P2RY12: variants seen among roughly 807,000 people sequenced by gnomAD.
The protein encoded by P2RY12 is P2Y purinoceptor 12.
P2RY12 carries 3 observed loss-of-function variants against 4.5 expected under a neutral mutation model. That is an observed-to-expected ratio of 0.67 (90% CI 0.31 to 1.74). The LOEUF (loss-of-function observed/expected upper bound fraction) is 1.74, where lower values mean the gene tolerates loss of function less well. Ranked by LOEUF, P2RY12 falls within the 40% of genes most tolerant of loss-of-function variation. P2RY12 has a pLI of 0.09. For missense variants in P2RY12, 356 were observed against 407.8 expected, an observed-to-expected ratio of 0.87 and a Z score of 1.09; for synonymous variants, 148 against 154.1, an observed-to-expected ratio of 0.96 and a Z score of 0.29.
chr3:151,368,593 TTA>T (rs1755586978), intron 1 of P2RY12, among the ~76,000 whole-genome samples: 1 of 50,018 alleles, frequency 2.0e-5, no homozygotes, highest in Non-Finnish European at 3.7e-5. Flanking sequence ...GTGATTTATT[TTA>T]TTTTATTTTA....
chr3:151,365,935 C>G lies in P2RY12; in HGVS notation c.-180+18757G>C. ...AGAATGGCTGGGGGTTCTGAAGGCT[C>G]TTTGTTGTTCTTCAAATCACGTGTG... On this transcript the variant is annotated intron_variant, in intron 1 of 2. Transcript: ENST00000302632. The G allele has an allele frequency of 6.2e-7, 1 of 1,613,362 alleles. No individual in the cohort carries two copies. The highest frequency in any genetic ancestry group is 8.5e-7 in the Non-Finnish European group (1 of 1,179,512).
intron 1 of P2RY12, among the ~76,000 whole-genome samples, chr3:151,353,752 T>G (rs1753539266): frequency 1.3e-5 from 2 of 152,356 alleles, no homozygotes; most frequent in African/African-American, 4.8e-5. Flanking sequence ...TAGAGAAATC[T>G]GTAAAGTAAC....
In P2RY12 at chr3:151,338,103, CAAAT is replaced by C. The variant is rs748448173; in HGVS notation, c.739_742del (p.Ile247ValfsTer14). On this transcript the variant is annotated frameshift_variant, in exon 3 of 3. Transcript: ENST00000302632. LOFTEE classifies it high-confidence loss of function. ...TCGGGCAAAATGGAAAGGAACAAAA[CAAAT>C]AAAGAATACAGCAATGATAATGAAA... 1.1e-5 allele frequency: 17 copies of C among 1,613,872 alleles called. No homozygotes were observed. The highest frequency in any genetic ancestry group is 1.3e-5 in the African/African-American group (1 of 74,906).
In P2RY12 at chr3:151,337,046, C is replaced by G. The variant is rs1751094781; in HGVS notation, c.*771G>C. The G allele has an allele frequency of 6.6e-6, 1 of 151,988 alleles. No individual in the cohort carries two copies. The highest frequency in any genetic ancestry group is 1.5e-5 in the Non-Finnish European group (1 of 68,006). The allele number at this position is 151,988 out of a possible 1,614,324, so 9.4% of individuals were successfully genotyped here. A position where few individuals can be genotyped will look rare whatever the true frequency, so the allele number is the denominator to read the frequency against. Reference sequence around the variant, plus strand: ...GAAGCTAATTAATAAAGGTAAGTGTCAATGATGGTATTATTGAAGTTGTAA... The same window carrying G: ...GAAGCTAATTAATAAAGGTAAGTGTGAATGATGGTATTATTGAAGTTGTAA... On this transcript the variant is annotated 3_prime_UTR_variant, in exon 3 of 3. Transcript: ENST00000302632.
At chr3:151,338,901 A>ATTGCT (rs2149937690) in intron 2 of P2RY12, 42 bp from the exon 3 acceptor site, 1 of 1,561,310 alleles carries the variant, frequency 6.4e-7, no homozygotes, top group Admixed American at 1.7e-5. Flanking sequence ...AGCCTAAGGT[A>ATTGCT]GTTATTATTG....
Position 151,356,917 on chromosome 3 carries a change from AG to A in P2RY12, c.-179-16158del, listed in dbSNP as rs1753999023. Among the ~76,000 whole-genome samples the A allele has an allele frequency of 5.9e-5, 9 of 152,200 alleles. No homozygotes were observed. In the South Asian group the frequency reaches 1.9e-3, roughly 32 times the overall value. ...AACTTTCATTTTATTAAAAAGACAA[AG>A]GGGAGAAAAGTGAGGGGTGGGGTTT... On this transcript the variant is annotated intron_variant, in intron 1 of 2. Coordinates refer to ENST00000302632, the MANE Select transcript of P2RY12 (RefSeq NM_022788.5).
rs202099742 is a variant in P2RY12, at chr3:151,338,074, G to T, written c.772C>A (p.Pro258Thr). 2.2e-5 allele frequency: 36 copies of T among 1,613,860 alleles called. No individual in the cohort carries two copies. Among genetic ancestry groups the T allele is most frequent in the Non-Finnish European group, 3.0e-5 (35 of 1,179,912 alleles). Residue 258 changes from proline to threonine, a missense_variant, in exon 3 of 3, where the codon CCT (proline) becomes ACT (threonine). Physicochemically the swap from Pro to Thr is conservative, Grantham distance 38 (BLOSUM62 -1). Coordinates refer to ENST00000302632, the MANE Select transcript of P2RY12 (RefSeq NM_022788.5). The stretch of plus-strand genomic sequence containing the variant: ...TCCCGGGTTTGGCTCAGGGTGTAAG[G>T]AATTCGGGCAAAATGGAAAGGAACA... Reference protein sequence around the residue: ...CFVPFHFARIPYTLSQTRDVF... With the variant: ...CFVPFHFARITYTLSQTRDVF...
chr3:151,364,604 C>CT (rs1001447522), intron 1 of P2RY12, among the ~76,000 whole-genome samples: 7 of 152,044 alleles, frequency 4.6e-5, no homozygotes, highest in African/African-American at 1.7e-4. Flanking sequence ...GTAATTGAAT[C>CT]TTTTTTTATT....
intron 2 of P2RY12, among the ~76,000 whole-genome samples, chr3:151,340,366 A>G (rs996990776): frequency 6.6e-6 from 1 of 152,156 alleles, no homozygotes; most frequent in African/African-American, 2.4e-5. Flanking sequence ...AAGACCATTT[A>G]TATTTTATTT....
chr3:151,369,278 G>A (rs980854163), intron 1 of P2RY12, among the ~76,000 whole-genome samples: 1 of 152,124 alleles, frequency 6.6e-6, no homozygotes, highest in South Asian at 2.1e-4. Context: ...GAGGAATACT[G>A]GCCATGTTTC....
chr3:151,383,648 A>G lies in P2RY12; in HGVS notation c.-180+1044T>C, dbSNP rs192098678. On this transcript the variant is annotated intron_variant, in intron 1 of 2. Coordinates refer to ENST00000302632, the MANE Select transcript of P2RY12 (RefSeq NM_022788.5). ...AACATGTAGGTAAAAGAGAAAAGAT[A>G]AGGTAATCTATAAACTAGAGCATCC... 5.7e-5 allele frequency: 34 copies of G among 598,132 alleles called. No homozygotes were observed. The Admixed American group carries it at 6.2e-4, about 11-fold the overall frequency. The allele number at this position is 598,132 out of a possible 1,614,324, so 37.1% of individuals were successfully genotyped here. A position where few individuals can be genotyped will look rare whatever the true frequency, so the allele number is the denominator to read the frequency against.
intron 1 of P2RY12, chr3:151,376,146 C>T (rs758289199): frequency 1.9e-6 from 3 of 1,609,932 alleles, no homozygotes; most frequent in Non-Finnish European, 2.5e-6. Context: ...TATCTGTTAT[C>T]CTCATGGCAT....
At chr3:151,372,876 A>T (rs544205200) in intron 1 of P2RY12, 1 of 736,764 alleles carries the variant, frequency 1.4e-6, no homozygotes, top group African/African-American at 1.8e-5. Flanking sequence ...TTTCTTGCTC[A>T]CTTTATTTCG....
intron 1 of P2RY12, among the ~76,000 whole-genome samples, chr3:151,347,769 A>G (rs1752708882): frequency 1.3e-5 from 2 of 152,306 alleles, no homozygotes; most frequent in African/African-American, 4.8e-5. Flanking sequence ...AGCATTTTAC[A>G]CGCTTTATCC....
In P2RY12 at chr3:151,373,650, A is replaced by G. The variant is rs1037138041; in HGVS notation, c.-180+11042T>C. 2.6e-5 allele frequency among the ~76,000 whole-genome samples: 4 copies of G among 151,262 alleles called. No individual in the cohort carries two copies. In the East Asian group the frequency reaches 7.7e-4, roughly 29 times the overall value. On this transcript the variant is annotated intron_variant, in intron 1 of 2. Coordinates refer to ENST00000302632, the MANE Select transcript of P2RY12 (RefSeq NM_022788.5). The stretch of plus-strand genomic sequence containing the variant: ...GAGCCTGCCCTCCTCTCCCCTGTTT[A>G]TTTATTATCCATATGGGTTATAATA...
chr3:151,373,796 T>G (rs1351639149), intron 1 of P2RY12, among the ~76,000 whole-genome samples: 1 of 152,160 alleles, frequency 6.6e-6, no homozygotes, highest in East Asian at 1.9e-4. Flanking sequence ...TTCTGGCCCA[T>G]GTTGTACTTT....
intron 1 of P2RY12, among the ~76,000 whole-genome samples, chr3:151,371,138 CTTTCT>C (rs1360635325): frequency 1.3e-5 from 2 of 152,124 alleles, no homozygotes; most frequent in African/African-American, 4.8e-5. Flanking sequence ...TGTTTTTTCT[CTTTCT>C]TTTCTTTTCC....
chr3:151,354,671 A>G (rs1046735794), intron 1 of P2RY12, among the ~76,000 whole-genome samples: 26 of 152,232 alleles, frequency 1.7e-4, no homozygotes, highest in Admixed American at 1.7e-3. Context: ...ACTCACTAGA[A>G]TGGTTAAGTA....
intron 1 of P2RY12, chr3:151,383,714 T>G (rs1025036753): frequency 7.9e-5 from 80 of 1,006,672 alleles, no homozygotes; most frequent in Middle Eastern, 6.3e-4. Flanking sequence ...TTTGATAACA[T>G]AAAGCAATGG....
Sources: gnomAD v4.1 joint callset for allele counts (sites outside exome capture counted in the v4.1 genomes callset) on GRCh38, gnomAD v4.1.1 for gene constraint, MANE v1.5 for transcripts, NCBI Gene and HGNC (gene_info 2026-07-23, HGNC 2026-07-21) for gene names.